The following HAP1 variants were observed in gnomAD, a reference collection of about 807,000 sequenced individuals.
HAP1 encodes the protein huntingtin-associated protein 1.
A neutral mutation model predicts 60.3 loss-of-function variants in HAP1; 59 were observed. The observed-to-expected ratio is 0.98, with a 90% confidence interval of 0.79 to 1.22. The LOEUF is 1.22. Ranked by LOEUF, HAP1 falls within the 50% of genes most tolerant of loss-of-function variation. HAP1 has a pLI of 0.00. For synonymous variants in HAP1, 346 were observed against 330.6 expected (o/e 1.05, Z -0.50); for missense variants, 825 against 785.3 (o/e 1.05, Z -0.60).
chr17:41,732,026 C>T lies in HAP1; in HGVS notation c.807G>A (p.Glu269=). 3 of 1,539,826 alleles carry T rather than the reference C, an allele frequency of 1.9e-6. No homozygotes were observed. The highest frequency in any genetic ancestry group is 2.7e-6 in the Non-Finnish European group (3 of 1,112,450). ...CCTCTTCTGCCTCCTTTTCTTCCTC[C>T]TCCTCTTCTTCATCCTCATCCTCCT... The part of the protein sequence containing the change: ...SDEEDEDEEE[E]EEEKEAEEEQ... Residue 269 remains glutamate, a synonymous_variant, in exon 4 of 11, where the codon GAG becomes GAA. Transcript: ENST00000347901.
intron 7 of HAP1, 26 bp from the exon 8 acceptor site, chr17:41,727,862 C>A: frequency 1.4e-6 from 2 of 1,461,852 alleles, no homozygotes; most frequent in Non-Finnish European, 1.9e-6. Context: ...ACCAGTGAAC[C>A]CCCATCTGAG....
In HAP1 at chr17:41,727,057, C is replaced by T. The variant is rs199819567; in HGVS notation, c.1363G>A (p.Glu455Lys). ...RMISDPVYFM[E>K]RNYEMPRGDT... ...GGGAGGGCCCCAGCCACGCACCTCTCCATAAAATACACAGGGTCTGAGATC... is the reference window on the plus strand; with the variant it reads ...GGGAGGGCCCCAGCCACGCACCTCTTCATAAAATACACAGGGTCTGAGATC... The change falls in exon 9 of 11, where the codon GAG (glutamate) becomes AAG (lysine). Residue 455 changes from glutamate (E) to lysine (K), a missense_variant. Transcript: ENST00000347901. The T allele has an allele frequency of 3.9e-6, 6 of 1,526,014 alleles. No individual in the cohort carries two copies. Among genetic ancestry groups the T allele is most frequent in the Admixed American group, 1.8e-5 (1 of 54,202 alleles). 94.5% of individuals were successfully genotyped at this position (1,526,014 alleles called of 1,614,324 possible).
intron 4 of HAP1, 83 bp from the exon 5 acceptor site, chr17:41,731,826 T>C: frequency 9.6e-7 from 1 of 1,039,852 alleles, no homozygotes; most frequent in East Asian, 2.4e-5. Context: ...GGCAGTGTTC[T>C]CAATTAGTTC....
At position 41,727,830 on chromosome 17, in the gene HAP1, C is replaced by T. The variant is rs1911792140; in HGVS notation, c.1207G>A (p.Ala403Thr). 1.9e-6 allele frequency: 3 copies of T among 1,604,634 alleles called. No individual in the cohort carries two copies. Among genetic ancestry groups the T allele is most frequent in the Non-Finnish European group, 2.6e-6 (3 of 1,171,922 alleles). ...KLQQRCRMYG[A>T]ETEKLQKQLA... ...TGCTTCTGCAACTTTTCAGTCTCAG[C>T]CCCATACTGGAAGGACCCAAAACCA... is the stretch of plus-strand genomic sequence containing the variant. The change falls in exon 8 of 11, where the codon GCT becomes ACT. Residue 403 changes from alanine (A) to threonine (T), a missense_variant. By Grantham distance (58) the Ala-to-Thr change is moderately conservative. Coordinates refer to ENST00000347901, the MANE Select transcript of HAP1 (RefSeq NM_177977.3).
rs782429447 is a variant in HAP1, at chr17:41,725,902, A to C, written c.1368-5T>G. ...CCTCTGGGCATCTCATAATTCCTTC[A>C]AAGAGAAAAGGACCTTCATTATGAG... On this transcript the variant is annotated splice_region_variant and splice_polypyrimidine_tract_variant and intron_variant, in intron 9 of 10. Transcript: ENST00000347901. The C allele has an allele frequency of 2.5e-6, 4 of 1,609,450 alleles. No individual in the cohort carries two copies. The African/African-American group carries it at 4.0e-5, about 16-fold the overall frequency.
At chr17:41,727,436 G>A (rs1555589219) in intron 8 of HAP1, 3 of 778,724 alleles carry the variant, frequency 3.9e-6, no homozygotes, top group Non-Finnish European at 4.8e-6. Context: ...CCTGCAGCTG[G>A]GAACCCACCC....
rs1912237457 is a variant in HAP1, at chr17:41,731,957, A to G, written c.876T>C (p.His292=). 1.0e-6 allele frequency: 1 copy of G among 964,392 alleles called. No individual in the cohort carries two copies. The highest frequency in any genetic ancestry group is 1.6e-5 in the African/African-American group (1 of 62,366). 59.7% of individuals were successfully genotyped at this position (964,392 alleles called of 1,614,324 possible). A position where few individuals can be genotyped will look rare whatever the true frequency, so the allele number is the denominator to read the frequency against. ...EEAEEDLQCA[H]PCDAPKLISQ... Reference sequence around the variant, plus strand: ...CTCACAGCTTAGGGGCATCACAGGGATGAGCACACTGCAGGTCTTCCTCTG... The same window carrying G: ...CTCACAGCTTAGGGGCATCACAGGGGTGAGCACACTGCAGGTCTTCCTCTG... Residue 292 remains histidine, a synonymous_variant, in exon 4 of 11, where the codon CAT becomes CAC. Transcript: ENST00000347901.
downstream of HAP1, among the ~76,000 whole-genome samples, chr17:41,719,890 C>CTTTT (rs33939681): frequency 8.5e-5 from 11 of 128,832 alleles, no homozygotes; most frequent in East Asian, 2.3e-4. Flanking sequence ...AGATATTTAA[C>CTTTT]TTTTTTTTTT....
intron 1 of HAP1, among the ~76,000 whole-genome samples, chr17:41,733,440 GA>G (rs1555591720): frequency 2.8e-5 from 4 of 141,536 alleles, no homozygotes; most frequent in Non-Finnish European, 6.0e-5. Flanking sequence ...GGGCTCTCCG[GA>G]CACCTGGGTC....
chr17:41,730,779 T>C (rs75888834), intron 6 of HAP1, among the ~76,000 whole-genome samples: 3,152 of 152,274 alleles, frequency 0.021, 110 homozygotes, highest in African/African-American at 0.071. Context: ...ACACAGTGCC[T>C]AGGACGATGC....
rs5001708 is a variant in HAP1 at position 41,724,321 on chromosome 17, G to C, written c.*380C>G. 0.035 allele frequency: 5,945 copies of C among 167,852 alleles called. 252 individuals are homozygous for C. Among genetic ancestry groups the C allele is most frequent in the African/African-American group, 0.11 (4,526 of 42,352 alleles). The allele number at this position is 167,852 out of a possible 1,614,324, so 10.4% of individuals were successfully genotyped here. ...TGTCCTCCAGCCTGGGTCAGCCCCC[G>C]GGCTGCTCCACCATCCCACCCACCG... On this transcript the variant is annotated 3_prime_UTR_variant, in exon 11 of 11. Transcript: ENST00000347901.
chr17:41,720,201 T>G (rs1371339368), downstream of HAP1, among the ~76,000 whole-genome samples: 1 of 150,472 alleles, frequency 6.6e-6, no homozygotes, highest in African/African-American at 2.5e-5. Context: ...ATTTATTTAT[T>G]TATTTATTTT....
At chr17:41,719,902 T>TTC (rs1911129264), downstream of HAP1, among the ~76,000 whole-genome samples, 1 of 150,400 alleles carries the variant, frequency 6.6e-6, no homozygotes, top group Admixed American at 6.6e-5. Flanking sequence ...TTTTTTTTTT[T>TTC]TTTTTGAGAC....
At chr17:41,718,504 T>A (rs4796686), downstream of HAP1, among the ~76,000 whole-genome samples, 125,792 of 152,014 alleles carry the variant, frequency 0.83, 52,317 homozygotes, top group Middle Eastern at 0.93. Flanking sequence ...AGGGCTGGGG[T>A]TCCTACCGCC....
rs1912527130 is a variant in HAP1 at position 41,734,335 on chromosome 17, C to A, written c.300G>T (p.Ser100=). ...QGDVRSMPDN[S]DAPWTRFVFQ... ...ATACGAAGCGGGTCCACGGCGCGTC[C>A]GAATTGTCGGGCATAGACCGGACAT... The change falls in exon 1 of 11, where the codon TCG becomes TCT. Residue 100 remains serine, a synonymous_variant. Coordinates refer to ENST00000347901, the MANE Select transcript of HAP1 (RefSeq NM_177977.3). 6.2e-7 allele frequency: 1 copy of A among 1,609,144 alleles called. No homozygotes were observed. The highest frequency in any genetic ancestry group is 2.2e-5 in the East Asian group (1 of 44,746).
chr17:41,731,370 C>G, intron 6 of HAP1, 123 bp downstream of exon 6: 1 of 760,756 alleles, frequency 1.3e-6, no homozygotes, highest in South Asian at 1.5e-5. Flanking sequence ...GGAATGTATC[C>G]AAGTTCACAC....
Position 41,723,295 on chromosome 17 carries a change from C to T in HAP1, c.*1406G>A, listed in dbSNP as rs1021000390. ...GGTTCCTACCGCCTGTCCCTGAAGA[C>T]GTTGGAAAAGCCTCCAACATGTGGG... is the stretch of plus-strand genomic sequence containing the variant. On this transcript the variant is annotated 3_prime_UTR_variant, in exon 11 of 11. Coordinates refer to ENST00000347901, the MANE Select transcript of HAP1 (RefSeq NM_177977.3). 6 of 152,682 alleles carry T rather than the reference C, an allele frequency of 3.9e-5. No homozygotes were observed. The highest frequency in any genetic ancestry group is 1.3e-4 in the Admixed American group (2 of 15,284). 9.5% of individuals were successfully genotyped at this position (152,682 alleles called of 1,614,324 possible). A position where few individuals can be genotyped will look rare whatever the true frequency, so the allele number is the denominator to read the frequency against.
At chr17:41,733,882 G>T (rs376874689) in intron 1 of HAP1, among the ~76,000 whole-genome samples, 29 of 152,120 alleles carry the variant, frequency 1.9e-4, no homozygotes, top group African/African-American at 6.7e-4. Context: ...CCCAGGAGAG[G>T]GGCGCTGAAG....
chr17:41,727,642 C>A, intron 8 of HAP1, 120 bp downstream of exon 8: 1 of 676,852 alleles, frequency 1.5e-6, no homozygotes, highest in Non-Finnish European at 2.6e-6. Flanking sequence ...GGGGTGGAAA[C>A]GGACAAGACT....
Sources: allele counts gnomAD v4.1 joint callset (sites outside exome capture counted in the v4.1 genomes callset), GRCh38; gene constraint gnomAD v4.1.1; transcripts MANE v1.5; gene names NCBI Gene and HGNC (gene_info 2026-07-23, HGNC 2026-07-21).